Variants in GLT6D1 observed in about 807,000 individuals in gnomAD.
The protein encoded by GLT6D1 is putative glycosyltransferase 6 domain-containing protein 1.
Under a neutral mutation model 12.3 loss-of-function variants are expected in GLT6D1, and 9 were observed. That is an observed-to-expected ratio of 0.73 (90% CI 0.44 to 1.27). The LOEUF is 1.27. GLT6D1 is among the 50% of genes most tolerant of loss of function. The pLI is 0.00. For synonymous variants in GLT6D1, 128 were observed against 132.3 expected (o/e 0.97, Z 0.23); for missense variants, 335 against 346.2 (o/e 0.97, Z 0.26).
In GLT6D1 at chr9:135,624,532, G is replaced by C; in HGVS notation, c.396C>G (p.Phe132Leu). The C allele has an allele frequency of 1.2e-6, 2 of 1,614,002 alleles. No individual in the cohort carries two copies. Among genetic ancestry groups the C allele is most frequent in the Non-Finnish European group, 1.7e-6 (2 of 1,180,026 alleles). ...TCTCGGTGCCCACTTTAAATGCTTT[G>C]AACGTTCGAAGAGGACTGGGCTCTA... ...PDIEPSPLRTFKAFKVGTERW... is the reference protein window; with the variant it reads ...PDIEPSPLRTLKAFKVGTERW... Residue 132 changes from phenylalanine to leucine, a missense_variant, in exon 5 of 5, where the codon TTC becomes TTG. Physicochemically the swap from Phe to Leu is conservative, Grantham distance 22. Transcript: ENST00000371763.
intron 2 of GLT6D1, among the ~76,000 whole-genome samples, chr9:135,633,046 T>C (rs1266636766): frequency 1.3e-5 from 2 of 152,076 alleles, no homozygotes; most frequent in African/African-American, 2.4e-5. Context: ...CAAGCACACA[T>C]ACACGTGCAT....
chr9:135,625,506 C>A (rs1423887243), intron 4 of GLT6D1, among the ~76,000 whole-genome samples: 1 of 152,126 alleles, frequency 6.6e-6, no homozygotes, highest in Non-Finnish European at 1.5e-5. Flanking sequence ...GTTGCCCTCA[C>A]CCAAACCAAA....
At chr9:135,630,997 G>C (rs990175242) in intron 3 of GLT6D1, among the ~76,000 whole-genome samples, 12 of 150,862 alleles carry the variant, frequency 8.0e-5, no homozygotes, top group Non-Finnish European at 1.6e-4. Context: ...AAAAAAGACG[G>C]GTTACATTTA....
intron 2 of GLT6D1, among the ~76,000 whole-genome samples, chr9:135,636,784 T>G (rs1833783313): frequency 6.6e-6 from 1 of 152,226 alleles, no homozygotes; most frequent in Admixed American, 6.5e-5. Flanking sequence ...TCAGATGGGC[T>G]TTTTGCACTC....
In GLT6D1 at chr9:135,624,454, G is replaced by T. The variant is rs767147245; in HGVS notation, c.474C>A (p.Ile158=). ...CCACCTCGTCCTGGATGTGACTGGC[G>T]ATGTGTTCACCCAGGCTCTTCACAT... ...LVHVKSLGEH[I]ASHIQDEVDF... is the part of the protein sequence containing the mutation. Residue 158 remains isoleucine, a synonymous_variant, in exon 5 of 5, where the codon ATC becomes ATA. Coordinates refer to ENST00000371763, the MANE Select transcript of GLT6D1 (RefSeq NM_182974.3). 2 of 1,614,112 alleles carry T rather than the reference G, an allele frequency of 1.2e-6. No individual in the cohort carries two copies. Among genetic ancestry groups the T allele is most frequent in the Admixed American group, 1.7e-5 (1 of 60,022 alleles).
chr9:135,632,581 G>A (rs1195443773), intron 2 of GLT6D1, among the ~76,000 whole-genome samples: 2 of 152,062 alleles, frequency 1.3e-5, no homozygotes, highest in South Asian at 2.1e-4. Flanking sequence ...TAATTTCTGG[G>A]GCCCTGCAGA....
rs200829433 is a variant in GLT6D1 at position 135,631,510 on chromosome 9, A to G, written c.72-32T>C. The stretch of plus-strand genomic sequence containing the variant: ...ACAAAGAGAAAATCAAGTGATTGCA[A>G]GGAGCCTGTTCAATGTTTATTGAGC... On this transcript the variant is annotated intron_variant, in intron 2 of 4. Transcript: ENST00000371763. 5.2e-6 allele frequency: 8 copies of G among 1,539,108 alleles called. No homozygotes were observed. The East Asian group carries it at 1.6e-4, about 30-fold the overall frequency.
intron 3 of GLT6D1, among the ~76,000 whole-genome samples, 165 bp from the exon 4 acceptor site, chr9:135,626,371 G>C (rs1833519423): frequency 6.6e-6 from 1 of 151,804 alleles, no homozygotes; most frequent in African/African-American, 2.4e-5. Context: ...TATGCAATGA[G>C]TGCCACCACC....
At chr9:135,640,987 TTGA>T (rs1211400782), upstream of GLT6D1, among the ~76,000 whole-genome samples, 2 of 152,210 alleles carry the variant, frequency 1.3e-5, no homozygotes. Context: ...TAGCTGTATG[TTGA>T]TGAGCTGCCT....
At chr9:135,632,129 T>A (rs1640378430) in intron 2 of GLT6D1, among the ~76,000 whole-genome samples, 1 of 120,498 alleles carries the variant, frequency 8.3e-6, no homozygotes, top group South Asian at 3.0e-4. Flanking sequence ...TTCATAACCC[T>A]GGGAGCAATT....
chr9:135,634,542 A>G (rs921086335), intron 2 of GLT6D1, among the ~76,000 whole-genome samples: 2 of 146,808 alleles, frequency 1.4e-5, no homozygotes, highest in Non-Finnish European at 3.0e-5. Context: ...AGCTTTACAA[A>G]AACGTTCTAA....
At chr9:135,635,932 A>C (rs1461918948) in intron 2 of GLT6D1, among the ~76,000 whole-genome samples, 1 of 152,196 alleles carries the variant, frequency 6.6e-6, no homozygotes, top group Non-Finnish European at 1.5e-5. Context: ...CATTTATTTA[A>C]TTGATTCAAA....
intron 3 of GLT6D1, among the ~76,000 whole-genome samples, chr9:135,627,413 T>C (rs1833547686): frequency 6.6e-6 from 1 of 152,198 alleles, no homozygotes; most frequent in African/African-American, 2.4e-5. Context: ...CTTTGATATA[T>C]CACTACCCAA....
chr9:135,629,328 A>AAAGTT (rs1346292739), intron 3 of GLT6D1, among the ~76,000 whole-genome samples: 31 of 152,266 alleles, frequency 2.0e-4, no homozygotes, highest in Non-Finnish European at 4.0e-4. Context: ...TTTATTTTCA[A>AAAGTT]TCACCTTAAA....
Position 135,639,264 on chromosome 9 carries a change from G to A in GLT6D1, c.-7+29C>T, listed in dbSNP as rs572806617. 1.1e-4 allele frequency: 90 copies of A among 845,888 alleles called. No homozygotes were observed. In the African/African-American group the frequency reaches 1.4e-3, roughly 14 times the overall value. 52.4% of individuals were successfully genotyped at this position (845,888 alleles called of 1,614,324 possible). On this transcript the variant is annotated intron_variant, in intron 1 of 4. Coordinates refer to ENST00000371763, the MANE Select transcript of GLT6D1 (RefSeq NM_182974.3). ...GACATATTTGTCATCATCTAACAAT[G>A]GGTTAATGTATGGGCATTGGACACC...
Position 135,624,343 on chromosome 9 carries a change from G to A in GLT6D1, c.585C>T (p.His195=), listed in dbSNP as rs187986471. The A allele has an allele frequency of 2.3e-3, 3,698 of 1,613,248 alleles. 5 individuals carry two copies. The highest frequency in any genetic ancestry group is 2.6e-3 in the Non-Finnish European group (3,109 of 1,179,474). Residue 195 remains histidine (H), a synonymous_variant, in exon 5 of 5, where the codon CAC becomes CAT. Coordinates refer to ENST00000371763, the MANE Select transcript of GLT6D1 (RefSeq NM_182974.3). ...TGGTGTTTCTGAAATACCACCAGGCGTGGAGCTGGGCCACCAACGGGCCCA... is the reference window on the plus strand; with the variant it reads ...TGGTGTTTCTGAAATACCACCAGGCATGGAGCTGGGCCACCAACGGGCCCA... ...ETLGPLVAQL[H]AWWYFRNTKN...
chr9:135,626,667 GCTTT>G (rs1317499036), intron 3 of GLT6D1, among the ~76,000 whole-genome samples: 1 of 152,088 alleles, frequency 6.6e-6, no homozygotes, highest in East Asian at 1.9e-4. Flanking sequence ...CTCCTTCTCT[GCTTT>G]CTTTTTCTCT....
chr9:135,625,964 C>T, intron 4 of GLT6D1, 105 bp downstream of exon 4: 1 of 1,291,996 alleles, frequency 7.7e-7, no homozygotes. Context: ...CTATTGTTAT[C>T]ACTAATTATG....
Position 135,624,293 on chromosome 9 carries a change from G to A in GLT6D1, c.635C>T (p.Pro212Leu), listed in dbSNP as rs370842340. Residue 212 changes from proline (P) to leucine (L), a missense_variant, in exon 5 of 5, where the codon CCG becomes CTG. Transcript: ENST00000371763. Reference sequence around the variant, plus strand: ...AAACGGGATGCAAGCTGCTGAGGTCGGCCTCCTCTCATAAGGGAAGTTCTT... The same window carrying A: ...AAACGGGATGCAAGCTGCTGAGGTCAGCCTCCTCTCATAAGGGAAGTTCTT... Reference protein sequence around the residue: ...NTKNFPYERRPTSAACIPFGQ... With the variant: ...NTKNFPYERRLTSAACIPFGQ... 4.4e-5 allele frequency: 71 copies of A among 1,605,094 alleles called. 1 individual carries two copies. Among genetic ancestry groups the A allele is most frequent in the African/African-American group, 3.6e-4 (27 of 74,656 alleles).
Sources: allele counts gnomAD v4.1 joint callset (sites outside exome capture counted in the v4.1 genomes callset), GRCh38; gene constraint gnomAD v4.1.1; transcripts MANE v1.5; gene names NCBI Gene and HGNC (gene_info 2026-07-23, HGNC 2026-07-21).